FOXN3: variants seen among roughly 807,000 people sequenced by gnomAD.
FOXN3 encodes the protein forkhead box N3.
FOXN3 carries 7 observed loss-of-function variants against 38.4 expected under a neutral mutation model. That is an observed-to-expected ratio of 0.18 (90% CI 0.10 to 0.34). The LOEUF (loss-of-function observed/expected upper bound fraction) is 0.34, where lower values mean the gene tolerates loss of function less well. Among genes scored for constraint, FOXN3 ranks in the 10% least tolerant of loss-of-function variants. FOXN3 has a pLI of 1.00. For missense variants in FOXN3, 456 were observed against 613.4 expected (o/e 0.74, Z 2.71); for synonymous variants, 230 against 242.2 (o/e 0.95, Z 0.47).
intron 1 of FOXN3, among the ~76,000 whole-genome samples, chr14:89,609,959 G>A (rs1047816313): frequency 7.2e-5 from 11 of 152,080 alleles, no homozygotes; most frequent in African/African-American, 2.4e-4. Flanking sequence ...GGTTGTAACC[G>A]AGGGAGAAAA....
At chr14:89,453,655 C>T (rs1892665173) in intron 1 of FOXN3, among the ~76,000 whole-genome samples, 1 of 144,294 alleles carries the variant, frequency 6.9e-6, no homozygotes. Flanking sequence ...AATTTAAAAA[C>T]AAAAATACTT....
chr14:89,417,030 C>CGGGCGCGGGCGGCAG lies in FOXN3; in HGVS notation c.-189_-175dup. The CGGGCGCGGGCGGCAG allele has an allele frequency of 6.9e-6, 1 of 144,804 alleles. No homozygotes were observed. The highest frequency in any genetic ancestry group is 2.0e-4 in the East Asian group (1 of 4,894). 9.0% of individuals were successfully genotyped at this position (144,804 alleles called of 1,614,324 possible). A position where few individuals can be genotyped will look rare whatever the true frequency, so the allele number is the denominator to read the frequency against. ...GGCGGCGGGCGGCGGGGGGCGGCCG[C>CGGGCGCGGGCGGCAG]GGGCGCGGGCGGCAGGGGCGCGGGG... On this transcript the variant is annotated 5_prime_UTR_variant, in exon 1 of 6. Transcript: ENST00000557258.
At chr14:89,603,347 C>T (rs1159638173) in intron 1 of FOXN3, among the ~76,000 whole-genome samples, 1 of 152,124 alleles carries the variant, frequency 6.6e-6, no homozygotes, top group Non-Finnish European at 1.5e-5. Context: ...ATGTAAGAAA[C>T]AATTTCTATT....
intron 4 of FOXN3, among the ~76,000 whole-genome samples, chr14:89,232,757 G>A (rs1344864886): frequency 5.3e-5 from 8 of 152,152 alleles, no homozygotes; most frequent in South Asian, 2.1e-4. Context: ...GACATAATTT[G>A]AGGAAAGCTG....
intron 4 of FOXN3, among the ~76,000 whole-genome samples, chr14:89,280,647 T>C (rs1404871988): frequency 2.0e-5 from 3 of 152,206 alleles, no homozygotes; most frequent in Non-Finnish European, 4.4e-5. Flanking sequence ...CTAATTACCA[T>C]GTAATTCCAA....
At chr14:89,171,003 G>A (rs1887374708) in intron 5 of FOXN3, among the ~76,000 whole-genome samples, 1 of 151,466 alleles carries the variant, frequency 6.6e-6, no homozygotes, top group Non-Finnish European at 1.5e-5. Flanking sequence ...ATAAATAGCA[G>A]AAATCAATGG....
chr14:89,324,443 C>CGTGTGTGTGT (rs71130053), intron 3 of FOXN3, among the ~76,000 whole-genome samples: 23 of 143,486 alleles, frequency 1.6e-4, no homozygotes, highest in East Asian at 6.3e-4. Context: ...TAAGTGTGTG[C>CGTGTGTGTGT]GTGTGTGTGT....
chr14:89,617,672 G>A (rs1256825964), intron 1 of FOXN3, among the ~76,000 whole-genome samples: 2 of 152,168 alleles, frequency 1.3e-5, no homozygotes, highest in African/African-American at 4.8e-5. Context: ...CTGTGTATAC[G>A]TGTAAGCTAG....
chr14:89,419,889 G>C (rs536451640), upstream of FOXN3: 4 of 152,374 alleles, frequency 2.6e-5, no homozygotes, highest in African/African-American at 9.6e-5. Flanking sequence ...GTACAACTGA[G>C]TAGGTGAGCA....
At chr14:89,456,194 C>CAAAA (rs10550227) in intron 1 of FOXN3, among the ~76,000 whole-genome samples, 3 of 105,820 alleles carry the variant, frequency 2.8e-5, no homozygotes. Flanking sequence ...ACTCAGTCTC[C>CAAAA]AAAAAAAAAA....
intron 1 of FOXN3, among the ~76,000 whole-genome samples, chr14:89,584,837 T>A (rs993635680): frequency 6.6e-6 from 1 of 152,014 alleles, no homozygotes; most frequent in Non-Finnish European, 1.5e-5. Flanking sequence ...CTCAGCCTCC[T>A]GAGTAGCTGG....
intron 1 of FOXN3, among the ~76,000 whole-genome samples, chr14:89,489,624 C>T (rs527885494): frequency 2.6e-5 from 4 of 152,294 alleles, no homozygotes; most frequent in South Asian, 4.1e-4. Flanking sequence ...CCGACATATA[C>T]GATGGCAATA....
intron 1 of FOXN3, among the ~76,000 whole-genome samples, chr14:89,553,112 G>A (rs1032920840): frequency 6.6e-6 from 1 of 151,860 alleles, no homozygotes; most frequent in Non-Finnish European, 1.5e-5. Context: ...GGTGGCGTGT[G>A]CCTGTGGTCC....
At position 89,258,771 on chromosome 14, in the gene FOXN3, G is replaced by A. The variant is rs188774196; in HGVS notation, c.745+22179C>T. 3.6e-3 allele frequency among the ~76,000 whole-genome samples: 548 copies of A among 152,276 alleles called. 3 individuals are homozygous for A. The highest frequency in any genetic ancestry group is 0.012 in the African/African-American group (513 of 41,546). On this transcript the variant is annotated intron_variant, in intron 4 of 5. Coordinates refer to ENST00000557258, the MANE Select transcript of FOXN3 (RefSeq NM_005197.4). ...ATGTAGCTTCTTCTAAACCACATTT[G>A]TGAAAGGGTTTAAAACGAGTATGAA...
chr14:89,478,925 C>G (rs1893267110), intron 1 of FOXN3, among the ~76,000 whole-genome samples: 1 of 3,272 alleles, frequency 3.1e-4, no homozygotes. Flanking sequence ...GAGCGAGACT[C>G]CATCTCAAAA....
At chr14:89,407,721 C>T (rs1004778473) in intron 2 of FOXN3, among the ~76,000 whole-genome samples, 2 of 151,926 alleles carry the variant, frequency 1.3e-5, no homozygotes, top group African/African-American at 2.4e-5. Context: ...TACTTGTAGT[C>T]CCCCCTTCGG....
chr14:89,557,790 G>C (rs1455116797), intron 1 of FOXN3, among the ~76,000 whole-genome samples: 1 of 152,184 alleles, frequency 6.6e-6, no homozygotes, highest in African/African-American at 2.4e-5. Context: ...TAGATCACTT[G>C]AGGCCAGAAG....
chr14:89,350,712 C>T lies in FOXN3; in HGVS notation c.640G>A (p.Val214Met), dbSNP rs763235859. 3.1e-6 allele frequency: 5 copies of T among 1,599,368 alleles called. No homozygotes were observed. Among genetic ancestry groups the T allele is most frequent in the South Asian group, 1.1e-5 (1 of 88,722 alleles). Residue 214 changes from valine (V) to methionine (M), a missense_variant, in exon 3 of 6, where the codon GTG becomes ATG. Physicochemically the swap from Val to Met is conservative, Grantham distance 21 (BLOSUM62 1). Transcript: ENST00000557258. Reference protein sequence around the residue: ...KKTPYHPHPHVFNTPPTCPQA... With the variant: ...KKTPYHPHPHMFNTPPTCPQA... ...GGACAGGTGGGAGGTGTATTGAACA[C>T]GTGTGGGTGTGGGTGATAAGGTGTC...
chr14:89,451,694 G>T (rs955477778), intron 1 of FOXN3, among the ~76,000 whole-genome samples: 1 of 152,142 alleles, frequency 6.6e-6, no homozygotes, highest in Admixed American at 6.5e-5. Flanking sequence ...CCTGCCAGTC[G>T]TAACACCTCA....
Sources: gnomAD v4.1 joint callset for allele counts (sites outside exome capture counted in the v4.1 genomes callset) on GRCh38, gnomAD v4.1.1 for gene constraint, MANE v1.5 for transcripts, NCBI Gene and HGNC (gene_info 2026-07-23, HGNC 2026-07-21) for gene names.